The following SNX8 variants were observed in gnomAD, a reference collection of about 807,000 sequenced individuals.
SNX8 encodes sorting nexin-8.
SNX8 carries 25 observed loss-of-function variants against 51.6 expected under a neutral mutation model. The ratio of observed to expected loss-of-function variants is 0.48; its 90% CI spans 0.35 to 0.68. The LOEUF (loss-of-function observed/expected upper bound fraction) is 0.68. Among genes scored for constraint, SNX8 ranks in the 30% least tolerant of loss-of-function variants. SNX8 has a pLI of 0.00. For missense variants in SNX8, 695 were observed against 624.0 expected, an observed-to-expected ratio of 1.11 and a Z score of -1.21; for synonymous variants, 324 against 277.0, an observed-to-expected ratio of 1.17 and a Z score of -1.68.
intron 1 of SNX8, among the ~76,000 whole-genome samples, chr7:2,331,578 G>A (rs574607184): frequency 6.0e-5 from 9 of 151,012 alleles, no homozygotes; most frequent in African/African-American, 1.9e-4. Context: ...GGTGGCAGGC[G>A]GCTGTAATAC....
At chr7:2,257,336 C>A in intron 9 of SNX8, 29 bp downstream of exon 9, 2 of 1,592,486 alleles carry the variant, frequency 1.3e-6, no homozygotes, top group Non-Finnish European at 1.7e-6. Context: ...AAGGCTCCCA[C>A]GGGCCTGCTC....
intron 1 of SNX8, among the ~76,000 whole-genome samples, chr7:2,303,438 C>A (rs1201770225): frequency 6.6e-6 from 1 of 152,248 alleles, no homozygotes; most frequent in African/African-American, 2.4e-5. Context: ...CCGGCCACCA[C>A]CCCGTCTGGG....
At chr7:2,313,607 A>T (rs934740493) in intron 1 of SNX8, among the ~76,000 whole-genome samples, 4 of 152,114 alleles carry the variant, frequency 2.6e-5, no homozygotes, top group African/African-American at 9.7e-5. Flanking sequence ...TCATGCCCGT[A>T]CTCCCAGCAC....
chr7:2,309,585 G>C (rs1189280267), intron 1 of SNX8, among the ~76,000 whole-genome samples: 1 of 152,124 alleles, frequency 6.6e-6, no homozygotes, highest in Non-Finnish European at 1.5e-5. Flanking sequence ...TACAAAATTA[G>C]CCAGGTGTGG....
intron 1 of SNX8, among the ~76,000 whole-genome samples, chr7:2,301,017 A>C (rs935740781): frequency 1.3e-5 from 2 of 152,164 alleles, no homozygotes; most frequent in African/African-American, 4.8e-5. Context: ...CAACACTCAC[A>C]ACAGGCATTC....
In SNX8 at chr7:2,269,580, A is replaced by G; in HGVS notation, c.600T>C (p.Cys200=). The G allele has an allele frequency of 6.3e-7, 1 of 1,581,660 alleles. No homozygotes were observed. The highest frequency in any genetic ancestry group is 8.6e-7 in the Non-Finnish European group (1 of 1,166,034). The change falls in exon 5 of 11, where the codon TGT becomes TGC. Residue 200 remains cysteine (C), a synonymous_variant. Transcript: ENST00000222990. ...AQCVGDEFLN[C]KLATRAKDFL... ...ATACCTTGGCCCTGGTAGCCAGCTT[A>G]CAGTTCAGGAATTCGTCCCCGACGC...
intron 1 of SNX8, among the ~76,000 whole-genome samples, chr7:2,287,235 A>T (rs940503008): frequency 4.9e-5 from 7 of 141,692 alleles, no homozygotes; most frequent in African/African-American, 1.7e-4. Flanking sequence ...CAGCCTGGGC[A>T]ACAGAGCAAG....
At chr7:2,299,569 T>C (rs1796348251) in intron 1 of SNX8, 1 of 152,162 alleles carries the variant, frequency 6.6e-6, no homozygotes, top group African/African-American at 2.4e-5. Context: ...AATACTATTT[T>C]AGCAAATTGG....
In SNX8 at chr7:2,304,310, C is replaced by G. The variant is rs6971054; in HGVS notation, c.94+10018G>C. 5.5e-3 allele frequency among the ~76,000 whole-genome samples: 842 copies of G among 152,104 alleles called. 4 individuals are homozygous for G. The highest frequency in any genetic ancestry group is 0.019 in the African/African-American group (798 of 41,488). On this transcript the variant is annotated intron_variant, in intron 1 of 10. Transcript: ENST00000222990. ...CTGGAATCCCAGCACTTTGGGAGGC[C>G]AAGGTGGGCAGATCACGAGGTCAGG...
At chr7:2,282,273 C>T (rs1024330783) in intron 1 of SNX8, among the ~76,000 whole-genome samples, 13 of 152,188 alleles carry the variant, frequency 8.5e-5, no homozygotes, top group African/African-American at 2.7e-4. Flanking sequence ...GACTGGCTCA[C>T]AAATTGGTGC....
intron 1 of SNX8, among the ~76,000 whole-genome samples, chr7:2,330,426 C>T (rs955759865): frequency 1.3e-5 from 2 of 152,040 alleles, no homozygotes; most frequent in Admixed American, 6.6e-5. Context: ...TGTGAGCCAC[C>T]GTGCCCAGCC....
chr7:2,345,549 G>A (rs1041425333), intron 1 of SNX8, among the ~76,000 whole-genome samples: 6 of 151,654 alleles, frequency 4.0e-5, no homozygotes, highest in Admixed American at 3.3e-4. Flanking sequence ...CTGCTGGCAG[G>A]CACCTGTAAT....
At chr7:2,274,983 G>C (rs1795741447) in intron 3 of SNX8, 129 bp downstream of exon 3, 1 of 569,514 alleles carries the variant, frequency 1.8e-6, no homozygotes, top group African/African-American at 4.7e-5. Context: ...ATGCCAAAAG[G>C]CTGGAGTTTC....
chr7:2,353,172 C>A (rs1779196923), intron 1 of SNX8, among the ~76,000 whole-genome samples: 1 of 151,988 alleles, frequency 6.6e-6, no homozygotes, highest in Non-Finnish European at 1.5e-5. Flanking sequence ...ACCTTCAGTC[C>A]CAAGTACTTG....
chr7:2,268,557 C>A (rs1187915169), intron 5 of SNX8, among the ~76,000 whole-genome samples: 3 of 143,952 alleles, frequency 2.1e-5, no homozygotes, highest in South Asian at 4.5e-4. Context: ...GTGGGGGGGT[C>A]AGCCCCCCGC....
At chr7:2,274,441 G>A (rs895271965) in intron 3 of SNX8, among the ~76,000 whole-genome samples, 2 of 152,210 alleles carry the variant, frequency 1.3e-5, no homozygotes, top group Non-Finnish European at 2.9e-5. Flanking sequence ...AGAATTTGAG[G>A]AACGGGCTGA....
chr7:2,316,327 A>G (rs1796756414), upstream of SNX8, among the ~76,000 whole-genome samples: 1 of 148,136 alleles, frequency 6.8e-6, no homozygotes, highest in Non-Finnish European at 1.5e-5. Flanking sequence ...TCATTCACCC[A>G]CCCACTCACT....
At chr7:2,312,160 G>A (rs1796670986) in intron 1 of SNX8, among the ~76,000 whole-genome samples, 1 of 151,958 alleles carries the variant, frequency 6.6e-6, no homozygotes, top group Non-Finnish European at 1.5e-5. Context: ...CCCAGAAAAA[G>A]CCAACTACCT....
chr7:2,304,330 G>T (rs1257088615), intron 1 of SNX8, among the ~76,000 whole-genome samples: 2 of 151,620 alleles, frequency 1.3e-5, no homozygotes, highest in Middle Eastern at 3.4e-3. Context: ...AGATCACGAG[G>T]TCAGGAGATA....
Sources: gnomAD v4.1 joint callset for allele counts (sites outside exome capture counted in the v4.1 genomes callset) on GRCh38, gnomAD v4.1.1 for gene constraint, MANE v1.5 for transcripts, NCBI Gene and HGNC (gene_info 2026-07-23, HGNC 2026-07-21) for gene names.